GOLGA5: variants seen among roughly 807,000 people sequenced by gnomAD.
The protein encoded by GOLGA5 is golgin A5.
A neutral mutation model predicts 93.5 loss-of-function variants in GOLGA5; 50 were observed. The ratio of observed to expected loss-of-function variants is 0.53; its 90% CI spans 0.43 to 0.68. The LOEUF (loss-of-function observed/expected upper bound fraction) is 0.68. GOLGA5 is among the 30% of genes least tolerant of loss of function. The pLI is 0.00. For missense variants in GOLGA5, 760 were observed against 856.4 expected, an observed-to-expected ratio of 0.89 and a Z score of 1.40; for synonymous variants, 312 against 304.5, an observed-to-expected ratio of 1.02 and a Z score of -0.26.
intron 3 of GOLGA5, among the ~76,000 whole-genome samples, chr14:92,808,716 C>G (rs1595593671): frequency 8.3e-6 from 1 of 120,412 alleles, no homozygotes; most frequent in Non-Finnish European, 1.7e-5. Context: ...AAAAAAAAAG[C>G]TTTGAGACCC....
chr14:92,809,522 A>G lies in GOLGA5; in HGVS notation c.992+3A>G. On this transcript the variant is annotated splice_donor_region_variant and intron_variant, in intron 4 of 12. Transcript: ENST00000163416. ...GCCTTACAGAGTGAAAAATCACGGT[A>G]GGTGATTCTATGAATAATGAAAAAA... 2 of 1,559,548 alleles carry G rather than the reference A, an allele frequency of 1.3e-6. No individual in the cohort carries two copies. Among genetic ancestry groups the G allele is most frequent in the Non-Finnish European group, 1.8e-6 (2 of 1,131,072 alleles).
chr14:92,836,908 T>C lies in GOLGA5; in HGVS notation c.2052-478T>C, dbSNP rs141480732. Among the ~76,000 whole-genome samples the C allele has an allele frequency of 6.1e-3, 925 of 151,946 alleles. 6 individuals are homozygous for C. Among genetic ancestry groups the C allele is most frequent in the African/African-American group, 0.021 (869 of 41,440 alleles). On this transcript the variant is annotated intron_variant, in intron 11 of 12. Transcript: ENST00000163416. ...GGCGAAACCCCGTCTCTACTAAAAA[T>C]ACAAAAAAATTAGCCAGGCGTGGTG...
At chr14:92,817,764 A>G (rs550754185) in intron 7 of GOLGA5, among the ~76,000 whole-genome samples, 3 of 152,354 alleles carry the variant, frequency 2.0e-5, no homozygotes, top group Admixed American at 6.5e-5. Flanking sequence ...TGTCTAGAGC[A>G]TAGACTTGAA....
At chr14:92,802,066 T>A (rs1427797861) in intron 2 of GOLGA5, among the ~76,000 whole-genome samples, 3 of 152,200 alleles carry the variant, frequency 2.0e-5, no homozygotes, top group Non-Finnish European at 2.9e-5. Context: ...TCACAGAAAC[T>A]CTGTTGGTCT....
At chr14:92,800,430 T>G (rs1884844373) in intron 2 of GOLGA5, among the ~76,000 whole-genome samples, 1 of 152,174 alleles carries the variant, frequency 6.6e-6, no homozygotes, top group African/African-American at 2.4e-5. Context: ...TAGAAAACAT[T>G]GTAACAAAGT....
At chr14:92,830,223 C>T (rs565896104) in intron 9 of GOLGA5, among the ~76,000 whole-genome samples, 27 of 152,224 alleles carry the variant, frequency 1.8e-4, no homozygotes, top group African/African-American at 6.5e-4. Context: ...GAGGCTGAGG[C>T]AGGAGAATTG....
chr14:92,805,553 A>G (rs1272842134), intron 2 of GOLGA5, among the ~76,000 whole-genome samples: 2 of 152,184 alleles, frequency 1.3e-5, no homozygotes, highest in East Asian at 1.9e-4. Context: ...GTTTAATTTC[A>G]TAAGAAATTG....
intron 8 of GOLGA5, 37 bp downstream of exon 8, chr14:92,819,873 C>T (rs1439058217): frequency 6.2e-7 from 1 of 1,605,476 alleles, no homozygotes; most frequent in Non-Finnish European, 8.5e-7. Flanking sequence ...GAGACTCTGT[C>T]CTCTAGCGGT....
chr14:92,813,974 A>G (rs1885152956), intron 6 of GOLGA5, among the ~76,000 whole-genome samples: 2 of 152,040 alleles, frequency 1.3e-5, no homozygotes, highest in African/African-American at 4.8e-5. Flanking sequence ...GGATGACTCC[A>G]GGTTTTTGGT....
At chr14:92,795,638 G>A (rs977963562) in intron 1 of GOLGA5, among the ~76,000 whole-genome samples, 1 of 152,200 alleles carries the variant, frequency 6.6e-6, no homozygotes, top group Non-Finnish European at 1.5e-5. Context: ...AGTGCCTACT[G>A]TGTGCTAGAC....
chr14:92,832,642 G>A (rs1885554193), intron 9 of GOLGA5, among the ~76,000 whole-genome samples: 1 of 152,200 alleles, frequency 6.6e-6, no homozygotes, highest in Non-Finnish European at 1.5e-5. Context: ...AAATTGCAGA[G>A]CAGAGATGAA....
At chr14:92,800,517 C>G (rs1180974091) in intron 2 of GOLGA5, among the ~76,000 whole-genome samples, 1 of 152,132 alleles carries the variant, frequency 6.6e-6, no homozygotes, top group Non-Finnish European at 1.5e-5. Flanking sequence ...TTGTGAAGGC[C>G]CTTGTGTCAT....
chr14:92,837,360 TC>T (rs1433066552), intron 11 of GOLGA5, 25 bp from the exon 12 acceptor site: 5 of 1,197,574 alleles, frequency 4.2e-6, no homozygotes, highest in Non-Finnish European at 6.1e-6. Context: ...CTCTCTCCTC[TC>T]CCCCTCACAC....
intron 1 of GOLGA5, among the ~76,000 whole-genome samples, chr14:92,796,210 C>T (rs952540627): frequency 3.9e-5 from 6 of 152,206 alleles, no homozygotes; most frequent in African/African-American, 1.4e-4. Flanking sequence ...CAAGTTTTAG[C>T]ACTTTAAAAC....
chr14:92,824,734 T>C, intron 9 of GOLGA5, 90 bp downstream of exon 9: 3 of 679,396 alleles, frequency 4.4e-6, no homozygotes, highest in Non-Finnish European at 7.8e-6. Flanking sequence ...TTCCCCGTGT[T>C]TTCACCTGAG....
intron 2 of GOLGA5, among the ~76,000 whole-genome samples, chr14:92,800,459 T>G (rs1331724454): frequency 6.6e-6 from 1 of 152,106 alleles, no homozygotes; most frequent in African/African-American, 2.4e-5. Context: ...CTGAGTGAGT[T>G]GGAGGGTGAT....
intron 9 of GOLGA5, among the ~76,000 whole-genome samples, chr14:92,824,937 C>T (rs1455924654): frequency 6.6e-6 from 1 of 152,108 alleles, no homozygotes; most frequent in Non-Finnish European, 1.5e-5. Context: ...GTGCTGATTG[C>T]CAGGTTCATA....
chr14:92,809,389 G>T lies in GOLGA5; in HGVS notation c.862G>T (p.Asp288Tyr). 6.2e-7 allele frequency: 1 copy of T among 1,613,672 alleles called. No individual in the cohort carries two copies. Among genetic ancestry groups the T allele is most frequent in the Non-Finnish European group, 8.5e-7 (1 of 1,179,612 alleles). The change falls in exon 4 of 13, where the codon GAT becomes TAT. Residue 288 changes from aspartate (D) to tyrosine (Y), a missense_variant. By Grantham distance (160) the Asp-to-Tyr change is radical. Coordinates refer to ENST00000163416, the MANE Select transcript of GOLGA5 (RefSeq NM_005113.4). ...GACTCGAGGACTCCGAGCCCAAGTA[G>T]ATGACCTGACTGAAGCTGTGGCTGC... ...RMTRGLRAQV[D>Y]DLTEAVAAKD...
chr14:92,803,706 A>C (rs1337275405), intron 2 of GOLGA5, among the ~76,000 whole-genome samples: 1 of 152,208 alleles, frequency 6.6e-6, no homozygotes, highest in Non-Finnish European at 1.5e-5. Flanking sequence ...GAAACTTTCA[A>C]CGCAACCAAA....
Sources: allele counts gnomAD v4.1 joint callset (sites outside exome capture counted in the v4.1 genomes callset), GRCh38; gene constraint gnomAD v4.1.1; transcripts MANE v1.5; gene names NCBI Gene and HGNC (gene_info 2026-07-23, HGNC 2026-07-21).